Variants in WDR64 observed in about 807,000 individuals in gnomAD.
The protein encoded by WDR64 is WD repeat-containing protein 64.
A neutral mutation model predicts 139.3 loss-of-function variants in WDR64; 112 were observed. That is an observed-to-expected ratio of 0.80 (90% CI 0.69 to 0.94). The LOEUF (loss-of-function observed/expected upper bound fraction) is 0.94, where lower values mean the gene tolerates loss of function less well. Ranked by LOEUF, WDR64 falls within the 40% of genes least tolerant of loss-of-function variation. WDR64 has a pLI of 0.00. For synonymous variants in WDR64, 444 were observed against 437.7 expected (o/e 1.01, Z -0.18); for missense variants, 1,206 against 1,293.1 (o/e 0.93, Z 1.03).
intron 4 of WDR64, chr1:241,677,293 T>C (rs1159866047): frequency 2.5e-6 from 1 of 398,380 alleles, no homozygotes; most frequent in African/African-American, 2.1e-5. Context: ...TGTTCTGTTC[T>C]GCTACTCACC....
Position 241,780,010 on chromosome 1 carries a change from ATGT to A in WDR64, c.2545_2547del (p.Val849del), listed in dbSNP as rs775579164. On this transcript the variant is annotated inframe_deletion, in exon 22 of 28. Coordinates refer to ENST00000437684, the MANE Select transcript of WDR64 (RefSeq NM_001367482.1). ...ATGTTTAAATTTTATACAGAAGGACATGTTATCCTTTGCAATATTAGCTCTTTC... is the reference window on the plus strand; with the variant it reads ...ATGTTTAAATTTTATACAGAAGGACATATCCTTTGCAATATTAGCTCTTTC... 1 of 1,591,812 alleles carries A rather than the reference ATGT, an allele frequency of 6.3e-7. No homozygotes were observed. The highest frequency in any genetic ancestry group is 8.5e-7 in the Non-Finnish European group (1 of 1,173,838).
At chr1:241,726,235 A>G (rs1668834030) in intron 10 of WDR64, among the ~76,000 whole-genome samples, 1 of 151,578 alleles carries the variant, frequency 6.6e-6, no homozygotes, top group Non-Finnish European at 1.5e-5. Flanking sequence ...TAATTTGGCT[A>G]TATAGGGTTA....
chr1:241,670,645 G>A (rs1666189965), intron 2 of WDR64, among the ~76,000 whole-genome samples: 1 of 152,206 alleles, frequency 6.6e-6, no homozygotes, highest in Non-Finnish European at 1.5e-5. Context: ...GGGCCGCACA[G>A]CAGGAGGTGA....
chr1:241,707,850 T>C (rs978924106), intron 8 of WDR64, among the ~76,000 whole-genome samples: 2 of 152,362 alleles, frequency 1.3e-5, no homozygotes, highest in East Asian at 1.9e-4. Flanking sequence ...GTGGAGACAC[T>C]GTAGCTCAGC....
rs747506225 is a variant in WDR64 at position 241,671,085 on chromosome 1, C to A, written c.288C>A (p.Tyr96Ter). The change falls in exon 3 of 28, where the codon TAC becomes TAA. Residue 96 changes from tyrosine (Y) to a stop codon, truncating the protein, a stop_gained. Coordinates refer to ENST00000437684, the MANE Select transcript of WDR64 (RefSeq NM_001367482.1). LOFTEE classifies it high-confidence loss of function. ...GTTTGGGATTTCAGATCTTTGGATA[C>A]TTCTCCTCTGAAGAAGATCCTATTG... ...ASADWCEIFG[Y>*]FSSEEDPIAS... The A allele has an allele frequency of 6.5e-7, 1 of 1,548,540 alleles. No homozygotes were observed. Among genetic ancestry groups the A allele is most frequent in the African/African-American group, 1.4e-5 (1 of 72,928 alleles).
intron 2 of WDR64, among the ~76,000 whole-genome samples, chr1:241,668,717 T>C (rs1044887103): frequency 1.3e-5 from 2 of 152,116 alleles, no homozygotes; most frequent in African/African-American, 2.4e-5. Context: ...AAGACCAGCA[T>C]GGCCAATATG....
At chr1:241,758,647 A>T (rs1670304249) in intron 15 of WDR64, among the ~76,000 whole-genome samples, 1 of 152,108 alleles carries the variant, frequency 6.6e-6, no homozygotes, top group Admixed American at 6.6e-5. Flanking sequence ...TTAATTTGCT[A>T]CTATTATTAT....
chr1:241,767,467 C>T (rs577761691), intron 16 of WDR64, among the ~76,000 whole-genome samples: 7 of 152,006 alleles, frequency 4.6e-5, no homozygotes, highest in South Asian at 4.1e-4. Context: ...GTGTGGCCAC[C>T]CTATGGCAAG....
At position 241,802,316 on chromosome 1, in the gene WDR64, C is replaced by T. The variant is rs1258742522; in HGVS notation, c.*1101C>T. ...AAAGAATACATGTTGTATGATTCCA[C>T]GTTTATAAAATTCTACAACAGGAAA... is the stretch of plus-strand genomic sequence containing the variant. On this transcript the variant is annotated 3_prime_UTR_variant, in exon 28 of 28. Coordinates refer to ENST00000437684, the MANE Select transcript of WDR64 (RefSeq NM_001367482.1). Among the ~76,000 whole-genome samples, 2 of 151,990 alleles carry T rather than the reference C, an allele frequency of 1.3e-5. No homozygotes were observed. Among genetic ancestry groups the T allele is most frequent in the Admixed American group, 6.6e-5 (1 of 15,264 alleles).
rs1659090915 is a variant in WDR64 at position 241,787,762 on chromosome 1, C to A, written c.2706-87C>A. 4 of 1,192,618 alleles carry A rather than the reference C, an allele frequency of 3.4e-6. No homozygotes were observed. In the African/African-American group the frequency reaches 6.3e-5, roughly 19 times the overall value. 73.9% of individuals were successfully genotyped at this position (1,192,618 alleles called of 1,614,324 possible). A position where few individuals can be genotyped will look rare whatever the true frequency, so the allele number is the denominator to read the frequency against. Reference sequence around the variant, plus strand: ...TAAAAAAATCCTTGATGGACCAGCGCTAATTTACATAAACGATCTAATGAA... The same window carrying A: ...TAAAAAAATCCTTGATGGACCAGCGATAATTTACATAAACGATCTAATGAA... On this transcript the variant is annotated intron_variant, in intron 23 of 27. Transcript: ENST00000437684.
At chr1:241,702,008 T>C (rs776336902) in intron 8 of WDR64, among the ~76,000 whole-genome samples, 1 of 152,326 alleles carries the variant, frequency 6.6e-6, no homozygotes, top group African/African-American at 2.4e-5. Context: ...CATTCAGAAG[T>C]GATTACCATT....
At chr1:241,688,199 T>C (rs1667082758) in intron 8 of WDR64, among the ~76,000 whole-genome samples, 1 of 152,200 alleles carries the variant, frequency 6.6e-6, no homozygotes, top group Admixed American at 6.5e-5. Context: ...TATGGTATGA[T>C]TCCATCTATA....
chr1:241,796,371 G>GT lies in WDR64; in HGVS notation c.3192+2dup. On this transcript the variant is annotated splice_donor_variant, in intron 27 of 27. Transcript: ENST00000437684. LOFTEE classifies it high-confidence loss of function. ...GGGAGGTCATGTTCAACGTGAAAAA[G>GT]TAAGTTAGTACTAATTCCACCGTTA... 1 of 1,600,488 alleles carries GT rather than the reference G, an allele frequency of 6.2e-7. No individual in the cohort carries two copies. The highest frequency in any genetic ancestry group is 8.6e-7 in the Non-Finnish European group (1 of 1,168,868).
At chr1:241,655,713 T>TTTTC (rs1665567977) in intron 1 of WDR64, among the ~76,000 whole-genome samples, 1 of 151,976 alleles carries the variant, frequency 6.6e-6, no homozygotes, top group Non-Finnish European at 1.5e-5. Flanking sequence ...TTCTTTTTTT[T>TTTTC]TTTTTGATGC....
intron 21 of WDR64, 130 bp downstream of exon 21, chr1:241,775,340 G>A (rs186438254): frequency 1.3e-4 from 87 of 644,782 alleles, no homozygotes; most frequent in Admixed American, 1.1e-3. Context: ...TCAAGCCTGA[G>A]AAAGTGTTAT....
At chr1:241,773,896 TAGAGTA>T (rs1335502837) in intron 20 of WDR64, among the ~76,000 whole-genome samples, 3 of 152,246 alleles carry the variant, frequency 2.0e-5, no homozygotes, top group Non-Finnish European at 4.4e-5. Context: ...AATGGTGTAT[TAGAGTA>T]AAAGAATGTG....
intron 15 of WDR64, among the ~76,000 whole-genome samples, chr1:241,760,122 A>G (rs1189258764): frequency 3.3e-5 from 5 of 152,142 alleles, no homozygotes; most frequent in African/African-American, 1.2e-4. Context: ...TCATCCATCA[A>G]TGGATACTTG....
intron 14 of WDR64, among the ~76,000 whole-genome samples, chr1:241,756,262 G>C (rs1670186746): frequency 6.6e-6 from 1 of 152,068 alleles, no homozygotes; most frequent in Non-Finnish European, 1.5e-5. Context: ...AGTTCTCCTT[G>C]AAGAGGTCCT....
intron 22 of WDR64, 125 bp from the exon 23 acceptor site, chr1:241,783,147 A>G (rs1490210811): frequency 2.0e-5 from 16 of 804,360 alleles, no homozygotes; most frequent in South Asian, 1.6e-4. Flanking sequence ...GGACTTAATC[A>G]TCTAGCACAG....
Sources: allele counts gnomAD v4.1 joint callset (sites outside exome capture counted in the v4.1 genomes callset), GRCh38; gene constraint gnomAD v4.1.1; transcripts MANE v1.5; gene names NCBI Gene and HGNC (gene_info 2026-07-23, HGNC 2026-07-21).